RCC1: variants seen among roughly 807,000 people sequenced by gnomAD.
RCC1 encodes regulator of chromosome condensation 1.
A neutral mutation model predicts 44.4 loss-of-function variants in RCC1; 11 were observed. That is an observed-to-expected ratio of 0.25 (90% confidence interval 0.16 to 0.41). The LOEUF (loss-of-function observed/expected upper bound fraction) is 0.41. RCC1 is among the 10% of genes least tolerant of loss of function. The pLI, the probability that RCC1 is intolerant of heterozygous loss-of-function variation, is 1.00. For synonymous variants in RCC1, 213 were observed against 216.5 expected, an observed-to-expected ratio of 0.98 and a Z score of 0.14; for missense variants, 386 against 547.1, an observed-to-expected ratio of 0.71 and a Z score of 2.94.
chr1:28,536,150 G>C lies in RCC1; in HGVS notation c.818-112G>C, dbSNP rs1280366310. 6.5e-7 allele frequency: 1 copy of C among 1,544,024 alleles called. No individual in the cohort carries two copies. Among genetic ancestry groups the C allele is most frequent in the Non-Finnish European group, 8.7e-7 (1 of 1,142,868 alleles). The stretch of plus-strand genomic sequence containing the variant: ...CCCCTCCAAGCCAGTTTTGTCATCT[G>C]TAAAGTGAGAATGTCCATATCCTGA... On this transcript the variant is annotated intron_variant, in intron 10 of 12. Coordinates refer to ENST00000683442, the MANE Select transcript of RCC1 (RefSeq NM_001381865.2). The surrounding 1 kb of genome is among the most constrained non-coding windows in gnomAD (Gnocchi z 4.9).
chr1:28,511,584 A>G (rs1447197116), intron 3 of RCC1, among the ~76,000 whole-genome samples: 1 of 150,430 alleles, frequency 6.6e-6, no homozygotes, highest in Non-Finnish European at 1.5e-5. Context: ...TTAGCCAGGA[A>G]GGTCTCCATC....
At chr1:28,526,603 C>T in intron 4 of RCC1, 1 of 541,262 alleles carries the variant, frequency 1.8e-6, no homozygotes, top group South Asian at 2.2e-5. Flanking sequence ...AAGGTGAAAT[C>T]CAAAGGATAG....
intron 1 of RCC1, chr1:28,507,704 C>G (rs1456410512): frequency 2.8e-6 from 1 of 354,696 alleles, no homozygotes; most frequent in Non-Finnish European, 5.4e-6. Context: ...AGTGATTATG[C>G]TAAGTGATTC....
At position 28,538,020 on chromosome 1, in the gene RCC1, G is replaced by A. The variant is rs1040649584; in HGVS notation, c.*13G>A. On this transcript the variant is annotated 3_prime_UTR_variant, in exon 13 of 13. Transcript: ENST00000683442. ...AGAACAGAGCTGATGAAGCCTCTGA[G>A]GGCCTGGCTTCTGTCCTGCACAACC... 2 of 1,609,846 alleles carry A rather than the reference G, an allele frequency of 1.2e-6. No individual in the cohort carries two copies. The highest frequency in any genetic ancestry group is 2.2e-5 in the East Asian group (1 of 44,846).
At chr1:28,521,862 C>A (rs893931874) in intron 4 of RCC1, among the ~76,000 whole-genome samples, 3 of 152,228 alleles carry the variant, frequency 2.0e-5, no homozygotes, top group Admixed American at 2.0e-4. Context: ...CCTGCCTGGA[C>A]CAAGGTCTGC....
intron 3 of RCC1, among the ~76,000 whole-genome samples, chr1:28,513,258 G>A (rs780813751): frequency 5.3e-5 from 8 of 151,830 alleles, no homozygotes; most frequent in South Asian, 2.1e-4. Context: ...GCAGTGATGC[G>A]ATCTCAGCTC....
chr1:28,522,356 T>C (rs934002715), intron 4 of RCC1, among the ~76,000 whole-genome samples: 1 of 151,874 alleles, frequency 6.6e-6, no homozygotes, highest in Non-Finnish European at 1.5e-5. Context: ...GAAGGGAGGA[T>C]GTGATAGATA....
chr1:28,518,047 AT>A (rs1662997698), intron 4 of RCC1: 1 of 151,752 alleles, frequency 6.6e-6, no homozygotes, highest in Non-Finnish European at 1.5e-5. Context: ...ACGTGTCCCG[AT>A]TTGGGGTTTC....
intron 4 of RCC1, among the ~76,000 whole-genome samples, chr1:28,524,184 T>C (rs931177261): frequency 6.6e-6 from 1 of 152,230 alleles, no homozygotes; most frequent in Non-Finnish European, 1.5e-5. Flanking sequence ...CTTTCTGGGA[T>C]GGCTCCCAAG....
intron 3 of RCC1, chr1:28,509,149 TTTTTG>T: frequency 3.5e-6 from 1 of 285,402 alleles, no homozygotes; most frequent in Non-Finnish European, 6.4e-6. Flanking sequence ...AAGTCTGCTG[TTTTTG>T]TACTAAAGGC....
chr1:28,537,116 G>A (rs1664602649), intron 12 of RCC1, among the ~76,000 whole-genome samples: 1 of 152,168 alleles, frequency 6.6e-6, no homozygotes, highest in African/African-American at 2.4e-5. Flanking sequence ...ATTATGCAGA[G>A]GAGAGAAATA....
rs1324191650 is a variant in RCC1, at chr1:28,531,901, A to C, written c.172A>C (p.Lys58Gln). 6.2e-7 allele frequency: 1 copy of C among 1,609,712 alleles called. No homozygotes were observed. Among genetic ancestry groups the C allele is most frequent in the Admixed American group, 1.7e-5 (1 of 59,322 alleles). The change falls in exon 6 of 13, where the codon AAG becomes CAG. Residue 58 changes from lysine (K) to glutamine (Q), a missense_variant. Physicochemically the swap from Lys to Gln is moderately conservative, Grantham distance 53 (BLOSUM62 1). Coordinates refer to ENST00000683442, the MANE Select transcript of RCC1 (RefSeq NM_001381865.2). ...GCTGGGTGAGAATGTGATGGAGAGG[A>C]AGAAGCCGGCCCTGGTATCCATTCC... ...LGLGENVMERKKPALVSIPED... is the reference protein window; with the variant it reads ...LGLGENVMERQKPALVSIPED...
chr1:28,532,421 C>T, intron 7 of RCC1, 71 bp downstream of exon 7: 4 of 1,513,812 alleles, frequency 2.6e-6, no homozygotes, highest in Middle Eastern at 1.8e-4. Flanking sequence ...CAAAGATAAT[C>T]CACTTCCATG....
chr1:28,508,551 T>A (rs564610906), intron 2 of RCC1: 1 of 517,600 alleles, frequency 1.9e-6, no homozygotes, highest in African/African-American at 1.9e-5. Context: ...TCCTCACTAA[T>A]GAGCATTCCA....
At chr1:28,533,701 C>T (rs1353481418) in intron 7 of RCC1, among the ~76,000 whole-genome samples, 6 of 114,106 alleles carry the variant, frequency 5.3e-5, no homozygotes, top group African/African-American at 3.3e-5. Context: ...ACCTGGGAGG[C>T]GGAGGTTGCA....
chr1:28,510,096 A>G (rs1359705544), intron 3 of RCC1: 1 of 152,244 alleles, frequency 6.6e-6, no homozygotes, highest in Non-Finnish European at 1.5e-5. Flanking sequence ...AAGGGGGATC[A>G]TCTAGAAGGT....
At chr1:28,527,090 A>G in intron 4 of RCC1, 1 of 991,956 alleles carries the variant, frequency 1.0e-6, no homozygotes, top group Non-Finnish European at 1.6e-6. Flanking sequence ...GACCGGAACC[A>G]GACCACAATA....
intron 4 of RCC1, among the ~76,000 whole-genome samples, chr1:28,529,037 A>ATTT (rs779736390): frequency 9.8e-6 from 1 of 101,894 alleles, no homozygotes; most frequent in Non-Finnish European, 2.1e-5. Context: ...TAATTTTTGT[A>ATTT]TTTTTTTTTT....
chr1:28,512,802 TG>T (rs1378388959), intron 3 of RCC1, among the ~76,000 whole-genome samples: 1 of 152,140 alleles, frequency 6.6e-6, no homozygotes, highest in Admixed American at 6.5e-5. Context: ...AATCTATCCT[TG>T]CTAGTTTCTT....
Sources: gnomAD v4.1 joint callset for allele counts (sites outside exome capture counted in the v4.1 genomes callset) on GRCh38, gnomAD v4.1.1 for gene constraint, Gnocchi (gnomAD v3.1) non-coding constraint, MANE v1.5 for transcripts, NCBI Gene and HGNC (gene_info 2026-07-23, HGNC 2026-07-21) for gene names.